Variants in KDM4C observed in about 807,000 individuals in gnomAD.
The protein encoded by KDM4C is lysine-specific demethylase 4C.
In KDM4C, 81 loss-of-function variants were observed where a neutral mutation model predicts 129.3. The ratio of observed to expected loss-of-function variants is 0.63; its 90% confidence interval spans 0.52 to 0.75. The LOEUF is 0.75. KDM4C is among the 30% of genes least tolerant of loss of function. The probability of loss-of-function intolerance (pLI) is 0.00; values close to 1 mark genes in which losing one functional copy is unlikely to be tolerated. For synonymous variants in KDM4C, 573 were observed against 456.1 expected, an observed-to-expected ratio of 1.26 and a Z score of -3.26; for missense variants, 1,457 against 1,304.0, an observed-to-expected ratio of 1.12 and a Z score of -1.81.
intron 8 of KDM4C, 149 bp from the exon 9 acceptor site, chr9:6,980,776 T>C: frequency 1.6e-6 from 1 of 629,668 alleles, no homozygotes; most frequent in East Asian, 2.9e-5. Context: ...GAAATTGGGT[T>C]TATCACCCAT....
intron 19 of KDM4C, among the ~76,000 whole-genome samples, chr9:7,162,019 G>A (rs1843850803): frequency 1.3e-5 from 2 of 152,182 alleles, no homozygotes; most frequent in Admixed American, 1.3e-4. Context: ...CATTTGGAAA[G>A]TAGCTAAGGA....
chr9:6,732,842 G>A lies in KDM4C; in HGVS notation c.49+11845G>A, dbSNP rs1299017276. On this transcript the variant is annotated intron_variant, in intron 1 of 17. Coordinates refer to the KDM4C transcript ENST00000536108. The stretch of plus-strand genomic sequence containing the variant: ...AGCCTGGCCAGCATGGCGAAACCCT[G>A]TTTCTACTAAAAATACAAAAATTAG... Among the ~76,000 whole-genome samples, 6 of 152,106 alleles carry A rather than the reference G, an allele frequency of 3.9e-5. No individual in the cohort carries two copies. The South Asian group carries it at 8.3e-4, about 21-fold the overall frequency.
chr9:6,927,415 C>G (rs992074662), intron 8 of KDM4C, among the ~76,000 whole-genome samples: 3 of 152,180 alleles, frequency 2.0e-5, no homozygotes, highest in Non-Finnish European at 4.4e-5. Flanking sequence ...TAGGTGTGAG[C>G]TACTGCGCCC....
intron 1 of KDM4C, among the ~76,000 whole-genome samples, chr9:6,772,444 C>T (rs1822056596): frequency 6.6e-6 from 1 of 152,214 alleles, no homozygotes; most frequent in South Asian, 2.1e-4. Context: ...TCACCGCAAC[C>T]TCCGCCTCCT....
At chr9:6,735,485 G>C (rs894079916) in intron 1 of KDM4C, among the ~76,000 whole-genome samples, 1 of 152,188 alleles carries the variant, frequency 6.6e-6, no homozygotes, top group East Asian at 1.9e-4. Flanking sequence ...CCTGGTGGGA[G>C]GTGATTGAAT....
At chr9:6,755,335 C>T (rs908221943), upstream of KDM4C, among the ~76,000 whole-genome samples, 1 of 152,216 alleles carries the variant, frequency 6.6e-6, no homozygotes, top group Non-Finnish European at 1.5e-5. Context: ...CGCGCCACTG[C>T]ACTCCAGCCT....
chr9:6,760,757 A>G (rs1353934708), intron 1 of KDM4C, among the ~76,000 whole-genome samples: 2 of 150,990 alleles, frequency 1.3e-5, no homozygotes, highest in Non-Finnish European at 3.0e-5. Flanking sequence ...TATTTTTAGT[A>G]GAGATGGGGT....
chr9:7,110,353 G>C (rs142391334), intron 18 of KDM4C, among the ~76,000 whole-genome samples: 16 of 152,264 alleles, frequency 1.1e-4, no homozygotes, highest in African/African-American at 3.8e-4. Context: ...CAGATAAATA[G>C]CATTTTTTTT....
chr9:6,898,761 G>C (rs948074697), intron 8 of KDM4C, among the ~76,000 whole-genome samples: 4 of 152,272 alleles, frequency 2.6e-5, no homozygotes, highest in African/African-American at 9.6e-5. Context: ...CTAAAATTAA[G>C]TTAGATATTT....
At chr9:6,759,954 A>AT (rs1263837639) in intron 1 of KDM4C, among the ~76,000 whole-genome samples, 7 of 135,384 alleles carry the variant, frequency 5.2e-5, no homozygotes, top group African/African-American at 1.9e-4. Flanking sequence ...AAAAAAAAAA[A>AT]GTAAAAATAT....
At chr9:6,974,388 C>CT (rs1832571196) in intron 8 of KDM4C, among the ~76,000 whole-genome samples, 1 of 152,198 alleles carries the variant, frequency 6.6e-6, no homozygotes, top group South Asian at 2.1e-4. Flanking sequence ...GAGACGGAGT[C>CT]TTACTCTGTC....
At chr9:6,949,434 G>C (rs1031198401) in intron 8 of KDM4C, among the ~76,000 whole-genome samples, 1 of 152,166 alleles carries the variant, frequency 6.6e-6, no homozygotes. Flanking sequence ...CTTCCCAGAC[G>C]GGGTGGCGGC....
intron 8 of KDM4C, among the ~76,000 whole-genome samples, chr9:6,912,034 G>C (rs1819411631): frequency 6.6e-6 from 1 of 152,224 alleles, no homozygotes; most frequent in Non-Finnish European, 1.5e-5. Flanking sequence ...CAGACCATCT[G>C]TGAAGGTTTC....
intron 2 of KDM4C, among the ~76,000 whole-genome samples, chr9:6,798,522 C>G (rs1250521777): frequency 6.6e-6 from 1 of 152,060 alleles, no homozygotes; most frequent in Admixed American, 6.6e-5. Flanking sequence ...CCTGAGTGGA[C>G]ACAGCACATG....
In KDM4C at chr9:6,801,618, G is replaced by GCTCT. The variant is rs147393202; in HGVS notation, c.145-3962_145-3959dup. Among the ~76,000 whole-genome samples, 860 of 145,594 alleles carry GCTCT rather than the reference G, an allele frequency of 5.9e-3. 4 individuals carry two copies. The highest frequency in any genetic ancestry group is 0.016 in the African/African-American group (627 of 39,872). ...TATTTACATGCTCTTGTGCAGATAT[G>GCTCT]CTCTCTCTCTCTCTCTCTCTCTGTC... On this transcript the variant is annotated intron_variant, in intron 2 of 21. Coordinates refer to ENST00000381309, the MANE Select transcript of KDM4C (RefSeq NM_015061.6).
At chr9:6,911,407 T>C (rs571786763) in intron 8 of KDM4C, among the ~76,000 whole-genome samples, 7 of 152,232 alleles carry the variant, frequency 4.6e-5, no homozygotes, top group Non-Finnish European at 1.0e-4. Context: ...GTGTGCGTAA[T>C]TGCATCTGAT....
rs147299112 is a variant in KDM4C at position 6,735,071 on chromosome 9, C to G, written c.49+14074C>G. ...CAAAGAGATGCTCCAAAGTTCAAAT[C>G]TTCATGGTTCCAGCAGCCTATGCAA... is the stretch of plus-strand genomic sequence containing the variant. On this transcript the variant is annotated intron_variant, in intron 1 of 17. Transcript: ENST00000536108. 100 of 438,876 alleles carry G rather than the reference C, an allele frequency of 2.3e-4. No homozygotes were observed. In the East Asian group the frequency reaches 4.2e-3, roughly 19 times the overall value. 27.2% of individuals were successfully genotyped at this position (438,876 alleles called of 1,614,324 possible).
In KDM4C at chr9:7,175,336, G is replaced by A. The variant is rs949793438; in HGVS notation, c.*607G>A. 2.6e-5 allele frequency: 4 copies of A among 152,508 alleles called. No homozygotes were observed. The highest frequency in any genetic ancestry group is 5.9e-5 in the Non-Finnish European group (4 of 68,016). 9.4% of individuals were successfully genotyped at this position (152,508 alleles called of 1,614,324 possible). A position where few individuals can be genotyped will look rare whatever the true frequency, so the allele number is the denominator to read the frequency against. The stretch of plus-strand genomic sequence containing the variant: ...CTATTACTTTTGATTGTGTCTGATG[G>A]GAACTGAGTTGTTGGCCTTTGTGAA... On this transcript the variant is annotated 3_prime_UTR_variant, in exon 22 of 22. Coordinates refer to ENST00000381309, the MANE Select transcript of KDM4C (RefSeq NM_015061.6).
At chr9:7,104,048 G>C (rs1837407598) in intron 18 of KDM4C, 178 bp downstream of exon 18, 1 of 598,126 alleles carries the variant, frequency 1.7e-6, no homozygotes, top group East Asian at 2.8e-5. Flanking sequence ...ATTTGCCTAG[G>C]ACCTGTCAAG....
Sources: gnomAD v4.1 joint callset for allele counts (sites outside exome capture counted in the v4.1 genomes callset) on GRCh38, gnomAD v4.1.1 for gene constraint, MANE v1.5 for transcripts, NCBI Gene and HGNC (gene_info 2026-07-23, HGNC 2026-07-21) for gene names.